The following MTA3 variants were observed in gnomAD, a reference collection of about 807,000 sequenced individuals.
MTA3 encodes the protein metastasis-associated protein MTA3.
Under a neutral mutation model 83.5 loss-of-function variants are expected in MTA3, and 34 were observed. The ratio of observed to expected loss-of-function variants is 0.41; its 90% confidence interval spans 0.31 to 0.54. The LOEUF (loss-of-function observed/expected upper bound fraction) is 0.54, where lower values mean the gene tolerates loss of function less well. MTA3 is among the 20% of genes least tolerant of loss of function. The pLI, the probability that MTA3 is intolerant of heterozygous loss-of-function variation, is 0.33. For synonymous variants in MTA3, 303 were observed against 252.7 expected, an observed-to-expected ratio of 1.20 and a Z score of -1.89; for missense variants, 761 against 726.4, an observed-to-expected ratio of 1.05 and a Z score of -0.55.
intron 2 of MTA3, among the ~76,000 whole-genome samples, chr2:42,502,919 A>G (rs1674463148): frequency 1.3e-5 from 2 of 151,718 alleles, no homozygotes; most frequent in Non-Finnish European, 2.9e-5. Context: ...CTGAGATCGC[A>G]CCACTGCAGT....
intron 3 of MTA3, among the ~76,000 whole-genome samples, chr2:42,606,545 C>T (rs1315748372): frequency 6.8e-6 from 1 of 148,078 alleles, no homozygotes; most frequent in Non-Finnish European, 1.5e-5. Context: ...AGGCGCTCCT[C>T]ACTTCCTAGA....
chr2:42,639,360 C>A (rs1383536187), intron 4 of MTA3, among the ~76,000 whole-genome samples: 1 of 152,136 alleles, frequency 6.6e-6, no homozygotes, highest in Non-Finnish European at 1.5e-5. Flanking sequence ...GAGCCCTGAC[C>A]AGTATTTGTA....
intron 5 of MTA3, among the ~76,000 whole-genome samples, 163 bp from the exon 6 acceptor site, chr2:42,643,964 C>T (rs75257451): frequency 0.019 from 2,846 of 152,254 alleles, 36 homozygotes; most frequent in Non-Finnish European, 0.031. Context: ...TACATGATGA[C>T]GGTAACACCA....
chr2:42,674,582 T>G (rs1691152247), intron 8 of MTA3, among the ~76,000 whole-genome samples: 1 of 149,414 alleles, frequency 6.7e-6, no homozygotes, highest in Non-Finnish European at 1.5e-5. Flanking sequence ...GACTTTTAGT[T>G]TAGTTTTCTT....
chr2:42,594,722 A>T (rs1391797352), intron 3 of MTA3, among the ~76,000 whole-genome samples: 17 of 34,754 alleles, frequency 4.9e-4, no homozygotes, highest in East Asian at 1.7e-3. Flanking sequence ...ATATATATAT[A>T]TATATATTTT....
intron 2 of MTA3, among the ~76,000 whole-genome samples, chr2:42,552,677 C>A (rs1410706706): frequency 6.6e-6 from 1 of 151,432 alleles, no homozygotes; most frequent in African/African-American, 2.4e-5. Flanking sequence ...AAGGGCCAGG[C>A]GTGGTGGCTC....
intron 2 of MTA3, among the ~76,000 whole-genome samples, chr2:42,558,552 T>A (rs534129896): frequency 3.3e-5 from 5 of 149,724 alleles, no homozygotes; most frequent in African/African-American, 1.2e-4. Context: ...ACCCAGCCTT[T>A]AAAAAAATTT....
intron 6 of MTA3, among the ~76,000 whole-genome samples, chr2:42,649,976 G>A (rs1004616234): frequency 1.3e-5 from 2 of 151,752 alleles, no homozygotes; most frequent in African/African-American, 2.4e-5. Flanking sequence ...ACTTTTTTTT[G>A]GAATGCTCTG....
At chr2:42,745,770 C>A (rs1416552095) in intron 16 of MTA3, among the ~76,000 whole-genome samples, 1 of 136,468 alleles carries the variant, frequency 7.3e-6, no homozygotes, top group African/African-American at 2.7e-5. Flanking sequence ...TTAAAAAATT[C>A]TGTTATTGGG....
At chr2:42,638,108 A>G (rs1687357578) in intron 4 of MTA3, among the ~76,000 whole-genome samples, 1 of 152,250 alleles carries the variant, frequency 6.6e-6, no homozygotes, top group African/African-American at 2.4e-5. Flanking sequence ...TAAAACAAGC[A>G]AATCTGACTT....
At chr2:42,729,022 T>C (rs1282254954) in intron 16 of MTA3, among the ~76,000 whole-genome samples, 1 of 151,362 alleles carries the variant, frequency 6.6e-6, no homozygotes, top group African/African-American at 2.4e-5. Context: ...TCAAGAAATA[T>C]TTGCCCAGAA....
intron 11 of MTA3, chr2:42,703,544 C>T (rs1042627452): frequency 3.3e-5 from 5 of 152,304 alleles, no homozygotes; most frequent in Admixed American, 3.3e-4. Context: ...TTTGTTTGAT[C>T]CAAATAATTA....
intron 5 of MTA3, among the ~76,000 whole-genome samples, chr2:42,640,475 T>C (rs529297604): frequency 7.2e-5 from 11 of 152,324 alleles, no homozygotes; most frequent in African/African-American, 2.6e-4. Context: ...TTATAGAGAA[T>C]GGTACATGGA....
intron 14 of MTA3, among the ~76,000 whole-genome samples, chr2:42,716,735 G>A (rs566009490): frequency 8.5e-5 from 13 of 152,280 alleles, no homozygotes; most frequent in African/African-American, 2.9e-4. Flanking sequence ...TCTATCATTG[G>A]TGGATATTTA....
intron 15 of MTA3, 45 bp downstream of exon 15, chr2:42,719,119 A>T: frequency 1.4e-6 from 2 of 1,385,618 alleles, no homozygotes; most frequent in South Asian, 2.5e-5. Flanking sequence ...GCAATTTCTG[A>T]ATAGTATAGA....
At chr2:42,633,205 G>A (rs1285881489) in intron 4 of MTA3, among the ~76,000 whole-genome samples, 1 of 151,736 alleles carries the variant, frequency 6.6e-6, no homozygotes, top group Non-Finnish European at 1.5e-5. Flanking sequence ...AGAGGTTGCA[G>A]TGAGCCGAGG....
At chr2:42,583,645 C>T (rs1419167150) in intron 3 of MTA3, among the ~76,000 whole-genome samples, 1 of 152,032 alleles carries the variant, frequency 6.6e-6, no homozygotes, top group Non-Finnish European at 1.5e-5. Context: ...TCTCATGCCT[C>T]AGCCTCCCGA....
At chr2:42,592,918 A>AGGTGGG (rs1225820574) in intron 3 of MTA3, among the ~76,000 whole-genome samples, 1 of 152,008 alleles carries the variant, frequency 6.6e-6, no homozygotes, top group East Asian at 1.9e-4. Context: ...GGGGAGGCTG[A>AGGTGGG]GGTGGGGGGA....
intron 11 of MTA3, chr2:42,703,969 C>T (rs1665838545): frequency 4.7e-6 from 2 of 425,680 alleles, no homozygotes; most frequent in Non-Finnish European, 8.6e-6. Flanking sequence ...GTATTTACTT[C>T]GTGAATGTCA....
Sources: allele counts gnomAD v4.1 joint callset (sites outside exome capture counted in the v4.1 genomes callset), GRCh38; gene constraint gnomAD v4.1.1; transcripts MANE v1.5; gene names NCBI Gene and HGNC (gene_info 2026-07-23, HGNC 2026-07-21).